REC114: variants seen among roughly 807,000 people sequenced by gnomAD.
REC114 encodes the protein REC114 meiotic recombination protein.
REC114 carries 27 observed loss-of-function variants against 31.3 expected under a neutral mutation model. That is an observed-to-expected ratio of 0.86 (90% CI 0.64 to 1.19). The LOEUF (loss-of-function observed/expected upper bound fraction) is 1.19. REC114 is among the 50% of genes most tolerant of loss of function. REC114 has a pLI of 0.00. For synonymous variants in REC114, 134 were observed against 127.7 expected (o/e 1.05, Z -0.33); for missense variants, 344 against 326.9 (o/e 1.05, Z -0.40).
At chr15:73,505,195 A>G (rs1048595454) in intron 2 of REC114, among the ~76,000 whole-genome samples, 2 of 152,178 alleles carry the variant, frequency 1.3e-5, no homozygotes, top group African/African-American at 4.8e-5. Context: ...GTTTATGTGC[A>G]ACCTTAGATT....
At chr15:73,448,143 G>A (rs1224063161) in intron 1 of REC114, among the ~76,000 whole-genome samples, 2 of 151,918 alleles carry the variant, frequency 1.3e-5, no homozygotes, top group Non-Finnish European at 2.9e-5. Context: ...AAGCCAGTGA[G>A]ACAGAACTGT....
At chr15:73,446,975 T>C (rs980773533) in intron 1 of REC114, among the ~76,000 whole-genome samples, 3 of 152,186 alleles carry the variant, frequency 2.0e-5, no homozygotes, top group Non-Finnish European at 4.4e-5. Context: ...GAGATGATGA[T>C]GGCTTAGACT....
chr15:73,487,873 T>A (rs2141300809), intron 2 of REC114, among the ~76,000 whole-genome samples: 1 of 152,340 alleles, frequency 6.6e-6, no homozygotes. Flanking sequence ...ATGTGGTATT[T>A]TTTTTTGCCT....
intron 2 of REC114, among the ~76,000 whole-genome samples, chr15:73,495,141 A>G (rs1318456508): frequency 6.6e-6 from 1 of 152,138 alleles, no homozygotes; most frequent in Non-Finnish European, 1.5e-5. Flanking sequence ...CTCTAAAGTG[A>G]GTCAAGACTT....
chr15:73,466,547 C>T (rs569378401), intron 1 of REC114, among the ~76,000 whole-genome samples: 14 of 151,930 alleles, frequency 9.2e-5, no homozygotes, highest in Non-Finnish European at 1.2e-4. Context: ...GAGCAAGACT[C>T]CCGCTGGGGG....
At chr15:73,469,680 C>CTTTT (rs767748185) in intron 1 of REC114, among the ~76,000 whole-genome samples, 3 of 118,918 alleles carry the variant, frequency 2.5e-5, no homozygotes, top group Admixed American at 8.9e-5. Context: ...GCCTTAGACT[C>CTTTT]TTTTTTTTTT....
rs1345221570 is a variant in REC114 at position 73,551,136 on chromosome 15, C to A, written c.532C>A (p.Pro178Thr). 1.2e-6 allele frequency: 2 copies of A among 1,606,682 alleles called. No homozygotes were observed. The highest frequency in any genetic ancestry group is 1.7e-6 in the Non-Finnish European group (2 of 1,176,604). ...SQGKDSAKSV[P>T]RQPGSHQHSE... is the part of the protein sequence containing the mutation. ...AGGGAAGGATTCTGCAAAGAGTGTC[C>A]CACGGCAGCCTGGAGTAAGTAGGCT... Residue 178 changes from proline (P) to threonine (T), a missense_variant, in exon 4 of 6, where the codon CCA (proline) becomes ACA (threonine). Transcript: ENST00000331090.
chr15:73,524,471 T>C (rs1241775460), intron 2 of REC114, among the ~76,000 whole-genome samples: 2 of 152,206 alleles, frequency 1.3e-5, no homozygotes, highest in African/African-American at 2.4e-5. Flanking sequence ...GTCAGCATCA[T>C]AGATATCTCA....
intron 3 of REC114, 112 bp from the exon 4 acceptor site, chr15:73,550,826 C>G (rs981462491): frequency 3.3e-6 from 3 of 909,240 alleles, no homozygotes; most frequent in Non-Finnish European, 5.1e-6. Context: ...ATGACTGTTC[C>G]CTTATCTATA....
At chr15:73,469,494 A>G (rs909389790) in intron 1 of REC114, among the ~76,000 whole-genome samples, 3 of 151,858 alleles carry the variant, frequency 2.0e-5, no homozygotes, top group Non-Finnish European at 2.9e-5. Flanking sequence ...CAGTGGTGCA[A>G]TCATAGCTTA....
intron 2 of REC114, among the ~76,000 whole-genome samples, chr15:73,513,446 G>C (rs796717399): frequency 1.3e-5 from 2 of 148,488 alleles, no homozygotes; most frequent in Non-Finnish European, 3.0e-5. Context: ...CTCTCAGCTC[G>C]TCAAAGTCAT....
intron 4 of REC114, 80 bp downstream of exon 4, chr15:73,551,230 T>C: frequency 1.5e-6 from 2 of 1,333,562 alleles, no homozygotes; most frequent in African/African-American, 1.5e-5. Context: ...CAGTGGAGTT[T>C]GTCAAGTCTG....
intron 2 of REC114, among the ~76,000 whole-genome samples, chr15:73,476,000 C>T (rs1162056968): frequency 6.6e-6 from 1 of 152,078 alleles, no homozygotes; most frequent in Non-Finnish European, 1.5e-5. Context: ...GGGTTCAGTA[C>T]GGTAACATGC....
intron 2 of REC114, among the ~76,000 whole-genome samples, chr15:73,523,206 T>C (rs921803621): frequency 3.3e-5 from 5 of 152,258 alleles, no homozygotes; most frequent in Admixed American, 3.3e-4. Flanking sequence ...CCGAATTAAA[T>C]TTAAAGGAGT....
At chr15:73,461,929 T>A (rs866641901) in intron 1 of REC114, among the ~76,000 whole-genome samples, 1 of 139,256 alleles carries the variant, frequency 7.2e-6, no homozygotes, top group African/African-American at 2.8e-5. Context: ...TTTCTTTTTT[T>A]TTTTTTTTTT....
intron 2 of REC114, among the ~76,000 whole-genome samples, chr15:73,536,625 G>T (rs1412192953): frequency 6.6e-6 from 1 of 152,126 alleles, no homozygotes; most frequent in Non-Finnish European, 1.5e-5. Flanking sequence ...GATTCAAACA[G>T]GTGGATTTTC....
chr15:73,557,972 AAAC>A (rs1229966725), intron 5 of REC114, among the ~76,000 whole-genome samples: 7 of 152,252 alleles, frequency 4.6e-5, no homozygotes, highest in African/African-American at 9.6e-5. Context: ...AAGAAATTGG[AAAC>A]AACATAAATG....
intron 3 of REC114, among the ~76,000 whole-genome samples, chr15:73,542,627 T>C (rs1307642892): frequency 2.6e-5 from 4 of 152,168 alleles, no homozygotes; most frequent in Admixed American, 6.6e-5. Context: ...TGTCCCAAAC[T>C]GCAAAGATTA....
At chr15:73,501,093 C>T (rs1348649633) in intron 2 of REC114, among the ~76,000 whole-genome samples, 1 of 152,136 alleles carries the variant, frequency 6.6e-6, no homozygotes, top group Admixed American at 6.5e-5. Context: ...AAGGCATATC[C>T]ATTAAGCCAT....
Sources: gnomAD v4.1 joint callset for allele counts (sites outside exome capture counted in the v4.1 genomes callset) on GRCh38, gnomAD v4.1.1 for gene constraint, MANE v1.5 for transcripts, NCBI Gene and HGNC (gene_info 2026-07-23, HGNC 2026-07-21) for gene names.